Variants in MAP3K15 observed in about 807,000 individuals in gnomAD.
MAP3K15 encodes mitogen-activated protein kinase kinase kinase 15.
MAP3K15 carries 124 observed loss-of-function variants against 99.5 expected under a neutral mutation model. The ratio of observed to expected loss-of-function variants is 1.25; its 90% CI spans 1.08 to 1.45. The LOEUF is 1.45. MAP3K15 is among the 40% of genes most tolerant of loss of function. The pLI is 0.00. For missense variants in MAP3K15, 1,242 were observed against 1,079.7 expected, an observed-to-expected ratio of 1.15 and a Z score of -2.11; for synonymous variants, 494 against 439.6, an observed-to-expected ratio of 1.12 and a Z score of -1.55.
intron 24 of MAP3K15, among the ~76,000 whole-genome samples, chrX:19,369,480 G>A (rs1389812117): frequency 1.8e-5 from 2 of 112,095 alleles, no homozygotes; most frequent in Non-Finnish European, 3.8e-5. Flanking sequence ...CGTTCAAAAG[G>A]TACAACCAGG....
chrX:19,465,809 G>C (rs1162757144), intron 3 of MAP3K15, among the ~76,000 whole-genome samples: 1 of 94,223 alleles, frequency 1.1e-5, no homozygotes. Flanking sequence ...AGTAGAAAGG[G>C]TAAAAATTCA....
chrX:19,457,815 T>C (rs1281210943), intron 5 of MAP3K15, among the ~76,000 whole-genome samples: 1 of 111,360 alleles, frequency 9.0e-6, no homozygotes, highest in East Asian at 2.8e-4. Flanking sequence ...TTCTCTGTTG[T>C]GGGAGCTGTC....
intron 20 of MAP3K15, 42 bp downstream of exon 20, chrX:19,374,435 T>A (rs2063402942): frequency 8.6e-7 from 1 of 1,163,613 alleles, no homozygotes; most frequent in African/African-American, 1.8e-5. Flanking sequence ...CCCAGCATTC[T>A]TGTGGCCAGG....
At chrX:19,501,679 T>G (rs1268307011) in intron 1 of MAP3K15, among the ~76,000 whole-genome samples, 1 of 112,245 alleles carries the variant, frequency 8.9e-6, no homozygotes, top group African/African-American at 3.2e-5. Flanking sequence ...TAGATATTCG[T>G]AGCAATCACT....
At chrX:19,481,444 G>C (rs992538457) in intron 3 of MAP3K15, among the ~76,000 whole-genome samples, 3 of 111,012 alleles carry the variant, frequency 2.7e-5, no homozygotes, top group Non-Finnish European at 5.7e-5. Flanking sequence ...AGAAAACATA[G>C]GAGTCATACT....
chrX:19,484,760 A>G (rs1236173158), intron 3 of MAP3K15, among the ~76,000 whole-genome samples: 1 of 112,372 alleles, frequency 8.9e-6, no homozygotes, highest in Non-Finnish European at 1.9e-5. Context: ...TCTTGCATTA[A>G]ATCCAGGTTA....
rs2063384953 is a variant in MAP3K15, at chrX:19,372,711, T to C, written c.3050A>G (p.Lys1017Arg). Residue 1017 changes from lysine (K) to arginine (R), a missense_variant, in exon 22 of 29, where the codon AAA becomes AGA. Lys to Arg is a conservative substitution (Grantham distance 26). Coordinates refer to ENST00000338883, the MANE Select transcript of MAP3K15 (RefSeq NM_001001671.4). The part of the protein sequence containing the change: ...KDSERRAILY[K>R]ILWEEQNQVA... The stretch of plus-strand genomic sequence containing the variant: ...CTGGTTCTGCTCCTCCCAGAGGATT[T>C]TGTACAGGATGGCACGGCGCTCACT... The C allele has an allele frequency of 2.5e-6, 3 of 1,209,705 alleles. No homozygotes were observed. Among genetic ancestry groups the C allele is most frequent in the Non-Finnish European group, 2.2e-6 (2 of 895,045 alleles).
chrX:19,480,351 T>C (rs1366547401), intron 3 of MAP3K15, among the ~76,000 whole-genome samples: 3 of 110,111 alleles, frequency 2.7e-5, no homozygotes, highest in Non-Finnish European at 5.7e-5. Context: ...AAGAACAAAG[T>C]TAGAGGATTC....
chrX:19,371,078 A>AG lies in MAP3K15; in HGVS notation c.3295-15_3295-14insC, dbSNP rs200779059. The AG allele has an allele frequency of 9.4e-7, 1 of 1,067,713 alleles. No individual in the cohort carries two copies. Among genetic ancestry groups the AG allele is most frequent in the African/African-American group, 2.0e-5 (1 of 50,358 alleles). The allele number at this position is 1,067,713 out of a possible 1,213,427, so 88.0% of individuals were successfully genotyped here. A position where few individuals can be genotyped will look rare whatever the true frequency, so the allele number is the denominator to read the frequency against. On this transcript the variant is annotated splice_polypyrimidine_tract_variant and intron_variant, in intron 23 of 28. Coordinates refer to ENST00000338883, the MANE Select transcript of MAP3K15 (RefSeq NM_001001671.4). ...AATTTTATTTACCTAAAAAAAAAAA[A>AG]AATAATAAAATAAACTAAAATCACA... is the stretch of plus-strand genomic sequence containing the variant.
chrX:19,370,886 C>T, intron 24 of MAP3K15, 73 bp downstream of exon 24: 1 of 780,500 alleles, frequency 1.3e-6, no homozygotes, highest in Non-Finnish European at 1.9e-6. Flanking sequence ...AAAGCAACAA[C>T]TGTTGAATGA....
At chrX:19,372,928 C>T (rs1216751324) in intron 21 of MAP3K15, 101 bp from the exon 22 acceptor site, 14 of 786,310 alleles carry the variant, frequency 1.8e-5, no homozygotes, top group South Asian at 2.5e-5. Context: ...GAGGTAACTG[C>T]GATGCAGTCC....
intron 2 of MAP3K15, 141 bp downstream of exon 2, chrX:19,488,687 G>T: frequency 1.8e-6 from 1 of 571,144 alleles, no homozygotes; most frequent in Non-Finnish European, 2.7e-6. Context: ...GTGTGAACTA[G>T]AATCTGTGGT....
intron 1 of MAP3K15, among the ~76,000 whole-genome samples, chrX:19,508,620 C>T (rs993058300): frequency 1.5e-4 from 17 of 111,994 alleles, no homozygotes; most frequent in Admixed American, 3.8e-4. Context: ...TGGTGGTTCA[C>T]GCCTGTAATC....
At chrX:19,477,706 AG>A (rs1399971086) in intron 3 of MAP3K15, among the ~76,000 whole-genome samples, 1 of 51,284 alleles carries the variant, frequency 1.9e-5, no homozygotes, top group African/African-American at 5.6e-5. Flanking sequence ...CAAGAGTGTT[AG>A]AAAAAAAAAA....
Position 19,370,985 on chromosome X carries a change from T to A in MAP3K15, c.3374A>T (p.Gln1125Leu), listed in dbSNP as rs61740714. The A allele has an allele frequency of 4.2e-5, 49 of 1,179,224 alleles. No homozygotes were observed. In the African/African-American group the frequency reaches 5.7e-4, roughly 14 times the overall value. Residue 1125 changes from glutamine (Q) to leucine (L), a missense_variant, in exon 24 of 29, where the codon CAG becomes CTG. Physicochemically the swap from Gln to Leu is moderately radical, Grantham distance 113. Coordinates refer to ENST00000338883, the MANE Select transcript of MAP3K15 (RefSeq NM_001001671.4). ...TGGGATGAGAATGGTGACCGCGGCC[T>A]GCACCGCTCGGCGGATGATGTTGTC... is the stretch of plus-strand genomic sequence containing the variant. ...AMDNIIRRAV[Q>L]AAVTILIPEL...
At chrX:19,437,276 C>T (rs925864319) in intron 6 of MAP3K15, among the ~76,000 whole-genome samples, 1 of 111,811 alleles carries the variant, frequency 8.9e-6, no homozygotes, top group African/African-American at 3.2e-5. Context: ...TAGTGATCCT[C>T]TGCGCTGTAA....
At chrX:19,478,259 TGTGA>T (rs199784233) in intron 3 of MAP3K15, among the ~76,000 whole-genome samples, 8,185 of 93,150 alleles carry the variant, frequency 0.088, 996 homozygotes, top group African/African-American at 0.29. Context: ...ATTCATGTTC[TGTGA>T]GTAAAATAAA....
chrX:19,419,925 A>G (rs374515122), intron 9 of MAP3K15, among the ~76,000 whole-genome samples: 130 of 111,554 alleles, frequency 1.2e-3, no homozygotes, highest in Non-Finnish European at 1.6e-3. Context: ...TGAACAACCT[A>G]CTCCTGAATG....
At chrX:19,509,030 G>GGCCT (rs2064499668) in intron 1 of MAP3K15, among the ~76,000 whole-genome samples, 1 of 111,715 alleles carries the variant, frequency 9.0e-6, no homozygotes, top group African/African-American at 3.3e-5. Flanking sequence ...TTACGTCCAA[G>GGCCT]GCCTGCCTGC....
Sources: allele counts gnomAD v4.1 joint callset (sites outside exome capture counted in the v4.1 genomes callset), GRCh38; gene constraint gnomAD v4.1.1; transcripts MANE v1.5; gene names NCBI Gene and HGNC (gene_info 2026-07-23, HGNC 2026-07-21).